CRACR2A: variants seen among roughly 807,000 people sequenced by gnomAD.
The protein encoded by CRACR2A is EF-hand calcium-binding domain-containing protein 4B.
A neutral mutation model predicts 90.5 loss-of-function variants in CRACR2A; 79 were observed. That is an observed-to-expected ratio of 0.87 (90% confidence interval 0.73 to 1.05). The LOEUF is 1.05. Ranked by LOEUF, CRACR2A falls within the 50% of genes least tolerant of loss-of-function variation. CRACR2A has a pLI of 0.00. For missense variants in CRACR2A, 823 were observed against 897.2 expected (o/e 0.92, Z 1.06); for synonymous variants, 338 against 356.7 (o/e 0.95, Z 0.59).
intron 1 of CRACR2A, among the ~76,000 whole-genome samples, chr12:3,742,791 C>T (rs1946548529): frequency 6.6e-6 from 1 of 152,206 alleles, no homozygotes; most frequent in African/African-American, 2.4e-5. Context: ...GAAGACAAAG[C>T]TCAGTTCCCA....
intron 7 of CRACR2A, among the ~76,000 whole-genome samples, chr12:3,661,145 CA>C (rs1231604215): frequency 6.6e-6 from 1 of 152,188 alleles, no homozygotes. Context: ...TGCCACAGCC[CA>C]ATTTCTGTCC....
At chr12:3,647,858 G>C (rs1944717555) in intron 11 of CRACR2A, 2 of 985,322 alleles carry the variant, frequency 2.0e-6, no homozygotes. Context: ...CAGTGACTTA[G>C]AAACTTCATG....
At chr12:3,629,382 G>A (rs1009118120) in intron 15 of CRACR2A, among the ~76,000 whole-genome samples, 1 of 151,922 alleles carries the variant, frequency 6.6e-6, no homozygotes, top group African/African-American at 2.4e-5. Context: ...GCTGGGAGGT[G>A]AATCCAAGGG....
chr12:3,617,169 C>T, intron 18 of CRACR2A, 139 bp from the exon 19 acceptor site: 1 of 665,284 alleles, frequency 1.5e-6, no homozygotes, highest in Non-Finnish European at 2.7e-6. Context: ...ATAATCCTTC[C>T]CCACTCTGTA....
intron 3 of CRACR2A, among the ~76,000 whole-genome samples, chr12:3,708,574 G>C (rs894850490): frequency 6.6e-6 from 1 of 152,096 alleles, no homozygotes; most frequent in Non-Finnish European, 1.5e-5. Context: ...ACAGGTGCCC[G>C]CCACCACGCC....
intron 17 of CRACR2A, among the ~76,000 whole-genome samples, chr12:3,619,754 C>A (rs1194371886): frequency 1.3e-5 from 2 of 152,218 alleles, no homozygotes. Context: ...TGAGGGCGTG[C>A]CTAATTGGCC....
chr12:3,710,304 T>C (rs998359843), intron 3 of CRACR2A, among the ~76,000 whole-genome samples: 2 of 152,180 alleles, frequency 1.3e-5, no homozygotes, highest in African/African-American at 2.4e-5. Flanking sequence ...GTCTTACCAG[T>C]ATTTAATATC....
intron 7 of CRACR2A, 128 bp from the exon 8 acceptor site, chr12:3,659,782 A>G: frequency 1.4e-6 from 1 of 701,496 alleles, no homozygotes; most frequent in Non-Finnish European, 2.5e-6. Flanking sequence ...AGGTCAGGTC[A>G]GCCAACGCTA....
chr12:3,742,385 T>C (rs1335241145), intron 1 of CRACR2A, among the ~76,000 whole-genome samples: 2 of 152,214 alleles, frequency 1.3e-5, no homozygotes, highest in Non-Finnish European at 2.9e-5. Flanking sequence ...TAATGGGACA[T>C]AGTCCACATC....
At chr12:3,623,997 G>C (rs1483018517) in intron 17 of CRACR2A, among the ~76,000 whole-genome samples, 1 of 152,192 alleles carries the variant, frequency 6.6e-6, no homozygotes, top group African/African-American at 2.4e-5. Flanking sequence ...CCAGGAGGGA[G>C]CATTTGGTCT....
At chr12:3,647,563 C>T (rs535312130) in intron 11 of CRACR2A, among the ~76,000 whole-genome samples, 15 of 152,244 alleles carry the variant, frequency 9.9e-5, no homozygotes, top group East Asian at 3.9e-4. Flanking sequence ...AAGACCTTCG[C>T]GCAAATGGAT....
At chr12:3,749,908 G>A (rs11062786) in intron 1 of CRACR2A, among the ~76,000 whole-genome samples, 61,422 of 150,422 alleles carry the variant, frequency 0.41, 12,981 homozygotes, top group Middle Eastern at 0.52. Flanking sequence ...CCTGTCTATA[G>A]AACTGTCCCC....
In CRACR2A at chr12:3,720,416, G is replaced by GAAGAAAAAGAAAGAAAGA. The variant is rs1395795980; in HGVS notation, c.-117-7100_-117-7099insTCTTTCTTTCTTTTTCTT. 2.0e-3 allele frequency among the ~76,000 whole-genome samples: 209 copies of GAAGAAAAAGAAAGAAAGA among 106,710 alleles called. 2 individuals carry two copies. The highest frequency in any genetic ancestry group is 7.4e-3 in the African/African-American group (200 of 27,088). 70.0% of individuals were successfully genotyped at this position (106,710 alleles called of 152,430 possible). On this transcript the variant is annotated intron_variant, in intron 2 of 19. Coordinates refer to ENST00000440314, the MANE Select transcript of CRACR2A (RefSeq NM_001144958.2). ...GGGGGAGGGACGGAGTGAGAGAGAG[G>GAAGAAAAAGAAAGAAAGA]AAGAAAGAAAGAAAGAAAGAAAGAA...
intron 7 of CRACR2A, among the ~76,000 whole-genome samples, chr12:3,663,726 C>T (rs1945080120): frequency 6.6e-6 from 1 of 152,230 alleles, no homozygotes; most frequent in African/African-American, 2.4e-5. Flanking sequence ...ACTATTACCT[C>T]TCTTGTTCTA....
In CRACR2A at chr12:3,626,741, C is replaced by T. The variant is rs1289320214; in HGVS notation, c.1932+695G>A. ...CCACACTGGCAGTGGCCTTGAGAAG[C>T]CTGCACTGGGGTGGTGGAAACACTA... On this transcript the variant is annotated intron_variant, in intron 17 of 19. Coordinates refer to ENST00000440314, the MANE Select transcript of CRACR2A (RefSeq NM_001144958.2). Among the ~76,000 whole-genome samples, 3 of 152,158 alleles carry T rather than the reference C, an allele frequency of 2.0e-5. No individual in the cohort carries two copies. In the East Asian group the frequency reaches 5.8e-4, roughly 29 times the overall value.
chr12:3,746,372 T>C lies in CRACR2A; in HGVS notation c.-387+6643A>G, dbSNP rs117541628. Among the ~76,000 whole-genome samples, 2,677 of 151,328 alleles carry C rather than the reference T, an allele frequency of 0.018. 85 individuals carry two copies. The highest frequency in any genetic ancestry group is 0.06 in the African/African-American group (2,482 of 41,158). ...AGAGAGCTCTCTCTCTCTCTCTCTC[T>C]CCCCATCTCTCTCTCCTCCCTCTTC... is the stretch of plus-strand genomic sequence containing the variant. On this transcript the variant is annotated intron_variant, in intron 1 of 19. Transcript: ENST00000440314. This position sits in a 1 kb window ranked among gnomAD's most constrained non-coding sequence, Gnocchi z 4.4.
chr12:3,728,777 G>A (rs12367132), intron 2 of CRACR2A: 17,114 of 152,244 alleles, frequency 0.11, 1,113 homozygotes, highest in Middle Eastern at 0.2. Flanking sequence ...GGTTCCTTTG[G>A]CCCACCTTTC....
At chr12:3,748,936 AG>A (rs886947051) in intron 1 of CRACR2A, among the ~76,000 whole-genome samples, 1 of 152,180 alleles carries the variant, frequency 6.6e-6, no homozygotes, top group African/African-American at 2.4e-5. Flanking sequence ...TGTGAGGGGA[AG>A]GGGGTGTCTT....
chr12:3,736,799 G>A (rs1294572154), intron 1 of CRACR2A, among the ~76,000 whole-genome samples: 1 of 152,202 alleles, frequency 6.6e-6, no homozygotes, highest in African/African-American at 2.4e-5. Context: ...GCTGACAGCA[G>A]GTTCAAATGT....
Sources: allele counts gnomAD v4.1 joint callset (sites outside exome capture counted in the v4.1 genomes callset), GRCh38; gene constraint gnomAD v4.1.1; non-coding constraint Gnocchi (gnomAD v3.1); transcripts MANE v1.5; gene names NCBI Gene and HGNC (gene_info 2026-07-23, HGNC 2026-07-21).